Variants in FLT4 observed in about 807,000 individuals in gnomAD.
FLT4 encodes the protein vascular endothelial growth factor receptor 3.
A neutral mutation model predicts 163.2 loss-of-function variants in FLT4; 30 were observed. The observed-to-expected ratio is 0.18, with a 90% confidence interval of 0.14 to 0.25. The LOEUF is 0.25. Among genes scored for constraint, FLT4 ranks in the 10% least tolerant of loss-of-function variants. The pLI is 1.00. For synonymous variants in FLT4, 884 were observed against 789.5 expected (o/e 1.12, Z -2.01); for missense variants, 1,510 against 1,863.8 (o/e 0.81, Z 3.50).
Position 180,621,819 on chromosome 5 carries a change from G to A in FLT4, c.1743C>T (p.Asp581=), listed in dbSNP as rs1405530006. The A allele has an allele frequency of 1.9e-6, 3 of 1,613,350 alleles. No individual in the cohort carries two copies. The highest frequency in any genetic ancestry group is 2.5e-6 in the Non-Finnish European group (3 of 1,179,968). Residue 581 remains aspartate (D), a synonymous_variant, in exon 13 of 30, where the codon GAC becomes GAT. Coordinates refer to ENST00000261937, the MANE Select transcript of FLT4 (RefSeq NM_182925.5). ...GQPVLLSCQA[D]SYKYEHLRWY... The stretch of plus-strand genomic sequence containing the variant: ...AGCGCAGATGCTCGTACTTGTAGCT[G>A]TCGGCTTGGCAGCTCAGGAGCACCG...
chr5:180,630,215 G>T lies in FLT4; in HGVS notation c.513+10C>A, dbSNP rs765263172. Reference sequence around the variant, plus strand: ...GAGGGTCGGATGCTGGGGTTGGGGTGGGGCCGTACCGAGCGCAGCGTGACA... The same window carrying T: ...GAGGGTCGGATGCTGGGGTTGGGGTTGGGCCGTACCGAGCGCAGCGTGACA... On this transcript the variant is annotated intron_variant, in intron 4 of 29. Transcript: ENST00000261937. This position sits in a 1 kb window ranked among gnomAD's most constrained non-coding sequence, Gnocchi z 6.3. 5 of 1,611,174 alleles carry T rather than the reference G, an allele frequency of 3.1e-6. No homozygotes were observed. Among genetic ancestry groups the T allele is most frequent in the Non-Finnish European group, 4.2e-6 (5 of 1,178,832 alleles).
chr5:180,629,890 G>A (rs970868050), intron 5 of FLT4, 53 bp downstream of exon 5: 4 of 1,612,604 alleles, frequency 2.5e-6, no homozygotes, highest in Non-Finnish European at 3.4e-6. Flanking sequence ...ACCCACTGAG[G>A]CCAGTGAGGC....
Position 180,609,910 on chromosome 5 carries a change from A to C in FLT4, c.3802T>G (p.Ser1268Ala). The C allele has an allele frequency of 6.2e-7, 1 of 1,614,108 alleles. No homozygotes were observed. The highest frequency in any genetic ancestry group is 2.2e-5 in the East Asian group (1 of 44,880). Residue 1268 changes from serine to alanine, a missense_variant, in exon 28 of 30, where the codon TCT (serine) becomes GCT (alanine). Ser to Ala is a moderately conservative substitution (Grantham distance 99). Transcript: ENST00000261937. Reference sequence around the variant, plus strand: ...CCACCCTTCATGTGAAGTACCACAGAGCCTTTGTAGGTCGTTGGGGTCATG... The same window carrying C: ...CCACCCTTCATGTGAAGTACCACAGCGCCTTTGTAGGTCGTTGGGGTCATG... Reference protein sequence around the residue: ...FPMTPTTYKGSVDNQTDSGMV... With the variant: ...FPMTPTTYKGAVDNQTDSGMV...
chr5:180,625,803 G>T, intron 10 of FLT4, 66 bp downstream of exon 10: 1 of 1,475,812 alleles, frequency 6.8e-7, no homozygotes, highest in Non-Finnish European at 9.4e-7. Context: ...CTGTAAAGGA[G>T]GTTCCTCATG....
At position 180,630,455 on chromosome 5, in the gene FLT4, C is replaced by T. The variant is rs529643895; in HGVS notation, c.400+100G>A. 41 of 1,578,208 alleles carry T rather than the reference C, an allele frequency of 2.6e-5. No individual in the cohort carries two copies. In the Admixed American group the frequency reaches 2.9e-4, roughly 11 times the overall value. ...CCACCCGCTGGAGCAGGTAGGGCCC[C>T]GTTCTCTCCTCCTGCCAGCCCAGGG... On this transcript the variant is annotated intron_variant, in intron 3 of 29. Transcript: ENST00000261937. This position sits in a 1 kb window ranked among gnomAD's most constrained non-coding sequence, Gnocchi z 6.3.
chr5:180,648,270 G>A (rs1266669204), intron 1 of FLT4, among the ~76,000 whole-genome samples: 1 of 152,146 alleles, frequency 6.6e-6, no homozygotes, highest in Non-Finnish European at 1.5e-5. Context: ...TCCTCCCCTG[G>A]TTGAGCCAGA....
chr5:180,626,701 C>T (rs1411733585), intron 8 of FLT4, among the ~76,000 whole-genome samples: 1 of 152,214 alleles, frequency 6.6e-6, no homozygotes, highest in East Asian at 1.9e-4. Flanking sequence ...GGCCTGGAGA[C>T]CCCGTCCTCT....
At chr5:180,649,150 C>G (rs1463665724) in intron 1 of FLT4, among the ~76,000 whole-genome samples, 1 of 151,782 alleles carries the variant, frequency 6.6e-6, no homozygotes, top group Non-Finnish European at 1.5e-5. Flanking sequence ...AGTAAGGGCG[C>G]GAAGGATCCG....
chr5:180,628,848 A>C, intron 8 of FLT4, 34 bp downstream of exon 8: 1 of 1,426,960 alleles, frequency 7.0e-7, no homozygotes, highest in Non-Finnish European at 9.7e-7. Flanking sequence ...TTGGAAGGGT[A>C]TCGGCGGGGT....
chr5:180,606,520 G>A (rs551173666), intron 29 of FLT4, among the ~76,000 whole-genome samples: 6 of 152,308 alleles, frequency 3.9e-5, no homozygotes, highest in East Asian at 1.9e-4. Context: ...ACGTTTCCAC[G>A]GAGTCTGTCT....
intron 10 of FLT4, among the ~76,000 whole-genome samples, chr5:180,624,754 C>G (rs1222286563): frequency 1.3e-5 from 2 of 152,248 alleles, no homozygotes; most frequent in African/African-American, 4.8e-5. Context: ...CAGCCTCTCC[C>G]TCTCTCCTGC....
At chr5:180,606,560 G>A (rs895729758) in intron 29 of FLT4, among the ~76,000 whole-genome samples, 3 of 152,212 alleles carry the variant, frequency 2.0e-5, no homozygotes, top group African/African-American at 7.2e-5. Context: ...TGGGCTGAGC[G>A]GCCTTCTTTG....
At chr5:180,626,322 T>C in intron 8 of FLT4, 57 bp from the exon 9 acceptor site, 3 of 1,584,426 alleles carry the variant, frequency 1.9e-6, no homozygotes, top group Non-Finnish European at 2.6e-6. Context: ...CCCAACCTCA[T>C]GCTGGCACCC....
In FLT4 at chr5:180,638,059, G is replaced by A. The variant is rs1192919190; in HGVS notation, c.59-6281C>T. ...GTGGGCACACAGGATAGGGAGCCGCGCATGCTCTCCCCTGGGCAGCATCTG... is the reference window on the plus strand; with the variant it reads ...GTGGGCACACAGGATAGGGAGCCGCACATGCTCTCCCCTGGGCAGCATCTG... On this transcript the variant is annotated intron_variant, in intron 1 of 29. Coordinates refer to ENST00000261937, the MANE Select transcript of FLT4 (RefSeq NM_182925.5). Among the ~76,000 whole-genome samples the A allele has an allele frequency of 3.3e-5, 5 of 152,206 alleles. No individual in the cohort carries two copies. The South Asian group carries it at 6.2e-4, about 19-fold the overall frequency.
chr5:180,639,317 GGATGGGTGGATGGATGGACAGACA>G lies in FLT4; in HGVS notation c.59-7563_59-7540del, dbSNP rs796904478. 4.0e-3 allele frequency among the ~76,000 whole-genome samples: 401 copies of G among 99,644 alleles called. 11 individuals carry two copies. Among genetic ancestry groups the G allele is most frequent in the South Asian group, 0.019 (33 of 1,714 alleles). The allele number at this position is 99,644 out of a possible 152,430, so 65.4% of individuals were successfully genotyped here. On this transcript the variant is annotated intron_variant, in intron 1 of 29. Transcript: ENST00000261937. ...TGGATGGGTGGGTGAGTAGAAGGAT[GGATGGGTGGATGGATGGACAGACA>G]GATGAATGGATGGATGGACAGGTAG... is the stretch of plus-strand genomic sequence containing the variant.
At chr5:180,616,304 C>CT (rs1762683242) in intron 23 of FLT4, 63 bp downstream of exon 23, 1 of 1,609,104 alleles carries the variant, frequency 6.2e-7, no homozygotes, top group Non-Finnish European at 8.5e-7. Flanking sequence ...GACAGGCAGT[C>CT]TGTGGTCCCA....
chr5:180,637,461 G>A (rs1040369505), intron 1 of FLT4, among the ~76,000 whole-genome samples: 4 of 152,188 alleles, frequency 2.6e-5, no homozygotes, highest in African/African-American at 9.6e-5. Context: ...CCTCCATCGT[G>A]CCCAGGGTCC....
intron 18 of FLT4, 90 bp from the exon 19 acceptor site, chr5:180,619,456 A>G: frequency 1.0e-6 from 1 of 998,608 alleles, no homozygotes; most frequent in African/African-American, 2.0e-5. Context: ...GAGGGTTACT[A>G]AGGGCCCCCA....
Position 180,602,700 on chromosome 5 carries a change from G to A in FLT4, c.*492C>T, listed in dbSNP as rs757173621. On this transcript the variant is annotated 3_prime_UTR_variant, in exon 30 of 30. Transcript: ENST00000261937. The stretch of plus-strand genomic sequence containing the variant: ...AGCCCCTCCCTTCAACTGTGCAGGG[G>A]TGGGTGAGGCCAGCCAGCCCTCGTG... The A allele has an allele frequency of 6.7e-6, 3 of 449,700 alleles. No homozygotes were observed. Among genetic ancestry groups the A allele is most frequent in the Admixed American group, 7.6e-5 (2 of 26,334 alleles). The allele number at this position is 449,700 out of a possible 1,614,324, so 27.9% of individuals were successfully genotyped here.
Sources: gnomAD v4.1 joint callset for allele counts (sites outside exome capture counted in the v4.1 genomes callset) on GRCh38, gnomAD v4.1.1 for gene constraint, Gnocchi (gnomAD v3.1) non-coding constraint, MANE v1.5 for transcripts, NCBI Gene and HGNC (gene_info 2026-07-23, HGNC 2026-07-21) for gene names.